CNTNAP5: variants seen among roughly 807,000 people sequenced by gnomAD.
CNTNAP5 encodes contactin-associated protein-like 5.
In CNTNAP5, 72 loss-of-function variants were observed where a neutral mutation model predicts 150.2. The ratio of observed to expected loss-of-function variants is 0.48; its 90% CI spans 0.40 to 0.58. CNTNAP5 has a LOEUF of 0.58. Among genes scored for constraint, CNTNAP5 ranks in the 20% least tolerant of loss-of-function variants. The pLI is 0.00. For synonymous variants in CNTNAP5, 672 were observed against 619.8 expected (o/e 1.08, Z -1.25); for missense variants, 1,636 against 1,626.2 (o/e 1.01, Z -0.10).
chr2:124,103,634 A>G (rs955321152), intron 1 of CNTNAP5, among the ~76,000 whole-genome samples: 1 of 152,106 alleles, frequency 6.6e-6, no homozygotes, highest in Non-Finnish European at 1.5e-5. Context: ...ATAGGTTTGT[A>G]GCCTAGGAGC....
intron 2 of CNTNAP5, among the ~76,000 whole-genome samples, chr2:124,223,979 G>A (rs1052819363): frequency 1.3e-5 from 2 of 151,818 alleles, no homozygotes; most frequent in Non-Finnish European, 2.9e-5. Flanking sequence ...GGCCCTCAGT[G>A]GGAATTAAAC....
chr2:124,206,999 T>C (rs1442747491), intron 1 of CNTNAP5, among the ~76,000 whole-genome samples: 1 of 152,232 alleles, frequency 6.6e-6, no homozygotes, highest in Non-Finnish European at 1.5e-5. Context: ...TCTGTTCAAC[T>C]CTGTATGGCA....
chr2:124,286,664 G>A (rs1437724473), intron 3 of CNTNAP5, among the ~76,000 whole-genome samples: 1 of 152,086 alleles, frequency 6.6e-6, no homozygotes, highest in Non-Finnish European at 1.5e-5. Flanking sequence ...CTATTCTGTT[G>A]GCCTACAGAC....
At chr2:124,674,530 T>TCTTC (rs1558730688) in intron 13 of CNTNAP5, among the ~76,000 whole-genome samples, 77 of 112,876 alleles carry the variant, frequency 6.8e-4, no homozygotes, top group African/African-American at 2.8e-3. Context: ...TTTCTTTCTT[T>TCTTC]CTTTCTTTCT....
chr2:124,306,814 G>A (rs10199269), intron 3 of CNTNAP5, among the ~76,000 whole-genome samples: 1 of 133,550 alleles, frequency 7.5e-6, no homozygotes, highest in Non-Finnish European at 1.5e-5. Flanking sequence ...TGCAACCTCC[G>A]CCTCCCAGGT....
intron 13 of CNTNAP5, among the ~76,000 whole-genome samples, chr2:124,696,917 T>C (rs1317661876): frequency 6.6e-6 from 1 of 152,192 alleles, no homozygotes; most frequent in Non-Finnish European, 1.5e-5. Context: ...TTTATTTCTC[T>C]TTTTAAATTC....
At chr2:124,144,135 A>G in intron 1 of CNTNAP5, among the ~76,000 whole-genome samples, 1 of 81,012 alleles carries the variant, frequency 1.2e-5, no homozygotes, top group African/African-American at 5.0e-5. Flanking sequence ...GCTCAAGGAA[A>G]TAAAAGAGGA....
intron 1 of CNTNAP5, among the ~76,000 whole-genome samples, chr2:124,130,840 G>C (rs1318012873): frequency 6.6e-6 from 1 of 152,144 alleles, no homozygotes; most frequent in Non-Finnish European, 1.5e-5. Context: ...ACTGTGGTCA[G>C]AGCAGACATT....
intron 10 of CNTNAP5, among the ~76,000 whole-genome samples, chr2:124,560,917 G>T (rs1036663793): frequency 6.6e-6 from 1 of 151,352 alleles, no homozygotes. Flanking sequence ...TTATTTTATA[G>T]TTTCAGCCAC....
intron 1 of CNTNAP5, among the ~76,000 whole-genome samples, chr2:124,064,451 T>G (rs562457912): frequency 1.3e-5 from 2 of 152,220 alleles, no homozygotes; most frequent in East Asian, 3.9e-4. Flanking sequence ...TCTTACCTGC[T>G]TCTCTCCATT....
At chr2:124,346,916 CAAAAA>C (rs35078281) in intron 3 of CNTNAP5, among the ~76,000 whole-genome samples, 1 of 109,040 alleles carries the variant, frequency 9.2e-6, no homozygotes, top group East Asian at 2.8e-4. Context: ...ATTAAAAATA[CAAAAA>C]AAAAAAAAAA....
intron 11 of CNTNAP5, among the ~76,000 whole-genome samples, chr2:124,586,558 T>C (rs902664864): frequency 8.6e-4 from 131 of 152,350 alleles, no homozygotes; most frequent in African/African-American, 3.0e-3. Flanking sequence ...TAAAAGTCAT[T>C]TCTTATTTAA....
At chr2:124,681,677 C>T (rs1679071420) in intron 13 of CNTNAP5, among the ~76,000 whole-genome samples, 2 of 152,320 alleles carry the variant, frequency 1.3e-5, no homozygotes, top group South Asian at 2.1e-4. Flanking sequence ...TATTCGCCTG[C>T]CTCAGCCTCC....
chr2:124,669,128 C>T (rs72845059), intron 13 of CNTNAP5, among the ~76,000 whole-genome samples: 3,244 of 152,286 alleles, frequency 0.021, 44 homozygotes, highest in Middle Eastern at 0.037. Context: ...ATTATTCACT[C>T]ACTTTCATTT....
At chr2:124,600,182 G>C (rs1010441842) in intron 11 of CNTNAP5, among the ~76,000 whole-genome samples, 1 of 141,190 alleles carries the variant, frequency 7.1e-6, no homozygotes, top group African/African-American at 2.5e-5. Context: ...ATGAAGAATA[G>C]TAAATGGTTT....
intron 21 of CNTNAP5, among the ~76,000 whole-genome samples, chr2:124,896,085 T>A (rs550819643): frequency 6.6e-6 from 1 of 151,586 alleles, no homozygotes; most frequent in Admixed American, 6.6e-5. Flanking sequence ...ATCAAAATGC[T>A]GAGAATAATG....
chr2:124,650,384 C>T lies in CNTNAP5; in HGVS notation c.2077+2426C>T, dbSNP rs148363305. ...TTCACTGCCAGGACAGAAGCCACCT[C>T]GTCCCCCATGCATGTGAGCTCACCG... On this transcript the variant is annotated intron_variant, in intron 13 of 23. Coordinates refer to ENST00000682447, the MANE Select transcript of CNTNAP5 (RefSeq NM_001367498.1). 1.5e-3 allele frequency among the ~76,000 whole-genome samples: 236 copies of T among 152,270 alleles called. 1 individual carries two copies. Among genetic ancestry groups the T allele is most frequent in the African/African-American group, 5.5e-3 (229 of 41,548 alleles).
At chr2:124,832,620 CT>C (rs1198335913) in intron 19 of CNTNAP5, among the ~76,000 whole-genome samples, 11 of 151,804 alleles carry the variant, frequency 7.2e-5, no homozygotes, top group East Asian at 1.9e-4. Context: ...CTTCTTTTAC[CT>C]TTTTTTTCCT....
At chr2:124,217,288 T>C (rs560503461) in intron 1 of CNTNAP5, among the ~76,000 whole-genome samples, 1 of 152,276 alleles carries the variant, frequency 6.6e-6, no homozygotes, top group African/African-American at 2.4e-5. Flanking sequence ...CCCTTCTTCT[T>C]TTCTACATTA....
Sources: allele counts gnomAD v4.1 joint callset (sites outside exome capture counted in the v4.1 genomes callset), GRCh38; gene constraint gnomAD v4.1.1; transcripts MANE v1.5; gene names NCBI Gene and HGNC (gene_info 2026-07-23, HGNC 2026-07-21).